Variants in SLC25A26 observed in about 807,000 individuals in gnomAD.
SLC25A26 encodes solute carrier family 25 member 26.
SLC25A26 carries 36 observed loss-of-function variants against 37.8 expected under a neutral mutation model. The ratio of observed to expected loss-of-function variants is 0.95; its 90% confidence interval spans 0.73 to 1.26. The LOEUF (loss-of-function observed/expected upper bound fraction) is 1.26, where lower values mean the gene tolerates loss of function less well. Among genes scored for constraint, SLC25A26 ranks in the 50% most tolerant of loss-of-function variants. The pLI is 0.00. For missense variants in SLC25A26, 390 were observed against 331.1 expected, an observed-to-expected ratio of 1.18 and a Z score of -1.38; for synonymous variants, 129 against 122.5, an observed-to-expected ratio of 1.05 and a Z score of -0.35.
intron 1 of SLC25A26, among the ~76,000 whole-genome samples, chr3:66,194,287 GA>G (rs2071001498): frequency 6.6e-6 from 1 of 152,146 alleles, no homozygotes; most frequent in South Asian, 2.1e-4. Context: ...TTCCTTGCTG[GA>G]AAGCTATTCC....
chr3:66,230,160 A>G (rs947699940), intron 1 of SLC25A26, among the ~76,000 whole-genome samples: 38 of 111,642 alleles, frequency 3.4e-4, no homozygotes, highest in Non-Finnish European at 5.1e-4. Flanking sequence ...TATATAAGAA[A>G]CACTCGGTTA....
chr3:66,240,262 T>C (rs2072509987), intron 2 of SLC25A26, among the ~76,000 whole-genome samples: 1 of 152,136 alleles, frequency 6.6e-6, no homozygotes. Context: ...GTGCTACAGT[T>C]AATTTTGTGC....
chr3:66,327,379 TTGTC>T (rs1463994909), intron 5 of SLC25A26, among the ~76,000 whole-genome samples: 1 of 152,204 alleles, frequency 6.6e-6, no homozygotes, highest in African/African-American at 2.4e-5. Flanking sequence ...ACAAGGCACT[TTGTC>T]TGTATTATTT....
In SLC25A26 at chr3:66,334,916, T is replaced by A. The variant is rs537589674; in HGVS notation, c.454-11448T>A. On this transcript the variant is annotated intron_variant, in intron 5 of 9. Coordinates refer to ENST00000354883, the MANE Select transcript of SLC25A26 (RefSeq NM_001379210.1). ...ATTTCTTGTTTCTCCTTTTATTAGC[T>A]GATACTTATTTTTCCTACCAACTTT... Among the ~76,000 whole-genome samples, 5 of 152,338 alleles carry A rather than the reference T, an allele frequency of 3.3e-5. No individual in the cohort carries two copies. The South Asian group carries it at 1.0e-3, about 32-fold the overall frequency.
At chr3:66,216,586 C>T (rs959803657), upstream of SLC25A26, among the ~76,000 whole-genome samples, 3 of 151,846 alleles carry the variant, frequency 2.0e-5, no homozygotes, top group Non-Finnish European at 4.4e-5. Flanking sequence ...TAAGCCTAGT[C>T]CTGGTTGAAG....
At chr3:66,138,031 A>G (rs1197289084) in intron 1 of SLC25A26, among the ~76,000 whole-genome samples, 1 of 151,762 alleles carries the variant, frequency 6.6e-6, no homozygotes, top group Non-Finnish European at 1.5e-5. Flanking sequence ...ACGGGGTTTC[A>G]CTATGTTGGC....
intron 5 of SLC25A26, among the ~76,000 whole-genome samples, chr3:66,287,186 C>A (rs544862867): frequency 6.6e-6 from 1 of 151,824 alleles, no homozygotes; most frequent in East Asian, 2.0e-4. Flanking sequence ...GTCCCAGCTA[C>A]TCAGGAGGCT....
At chr3:66,277,974 AAGG>A (rs1173400305) in intron 5 of SLC25A26, among the ~76,000 whole-genome samples, 1 of 152,142 alleles carries the variant, frequency 6.6e-6, no homozygotes, top group Non-Finnish European at 1.5e-5. Flanking sequence ...AGAGAAGACT[AAGG>A]AGACACAACA....
At chr3:66,179,087 TA>T (rs1349450257) in intron 1 of SLC25A26, among the ~76,000 whole-genome samples, 2 of 152,200 alleles carry the variant, frequency 1.3e-5, no homozygotes, top group Admixed American at 6.5e-5. Context: ...TTGTTAACAT[TA>T]GCTTGTTTTA....
rs1341823729 is a variant in SLC25A26 at position 66,200,950 on chromosome 3, G to C, written c.-353-19792G>C. Among the ~76,000 whole-genome samples, 3 of 152,024 alleles carry C rather than the reference G, an allele frequency of 2.0e-5. No homozygotes were observed. In the East Asian group the frequency reaches 5.8e-4, roughly 29 times the overall value. On this transcript the variant is annotated intron_variant, in intron 1 of 10. Coordinates refer to the SLC25A26 transcript ENST00000676754. ...CCCTATGTGCCAGACACAGCCCCAG[G>C]GTGCTGTGGCACAAAGGAGTTAGTC...
intron 5 of SLC25A26, among the ~76,000 whole-genome samples, chr3:66,303,985 C>CA (rs774066720): frequency 8.7e-4 from 132 of 152,234 alleles, no homozygotes; most frequent in Non-Finnish European, 1.7e-3. Flanking sequence ...ATGTGGCCCC[C>CA]TCCATAGGCC....
intron 5 of SLC25A26, among the ~76,000 whole-genome samples, chr3:66,317,797 C>A (rs2075580902): frequency 6.6e-6 from 1 of 152,226 alleles, no homozygotes; most frequent in Admixed American, 6.5e-5. Context: ...TGTCCATAAA[C>A]CCCTGGCTGG....
chr3:66,373,427 G>C (rs1700462119), intron 9 of SLC25A26, among the ~76,000 whole-genome samples: 2 of 152,214 alleles, frequency 1.3e-5, no homozygotes, highest in Admixed American at 1.3e-4. Context: ...GTCTTGCCAG[G>C]AGCAGCTGAG....
rs1553653585 is a variant in SLC25A26 at position 66,192,334 on chromosome 3, A to AG, written c.-353-28408_-353-28407insG. On this transcript the variant is annotated intron_variant, in intron 1 of 10. Transcript: ENST00000676754. ...CCATGTCACAAAAAAAAAAAAAAAA[A>AG]AGAGAGAGAAATTGCAGAATTTGCT... Among the ~76,000 whole-genome samples, 865 of 150,504 alleles carry AG rather than the reference A, an allele frequency of 5.7e-3. 6 individuals carry two copies. Among genetic ancestry groups the AG allele is most frequent in the Non-Finnish European group, 8.8e-3 (595 of 67,662 alleles).
chr3:66,225,603 C>G (rs1553660245), intron 1 of SLC25A26, among the ~76,000 whole-genome samples: 1 of 152,204 alleles, frequency 6.6e-6, no homozygotes, highest in African/African-American at 2.4e-5. Flanking sequence ...CATTTGACTC[C>G]TGGTTATTTA....
At chr3:66,230,442 T>C (rs969121150) in intron 1 of SLC25A26, among the ~76,000 whole-genome samples, 4 of 151,914 alleles carry the variant, frequency 2.6e-5, no homozygotes, top group African/African-American at 9.7e-5. Context: ...TGTGTGTGCA[T>C]GTATGTATGT....
intron 3 of SLC25A26, among the ~76,000 whole-genome samples, chr3:66,245,574 T>C (rs1329925038): frequency 6.8e-6 from 1 of 145,986 alleles, no homozygotes; most frequent in Admixed American, 6.7e-5. Flanking sequence ...TATGTTTACA[T>C]AGGAAACTTG....
chr3:66,304,214 A>G (rs573056721), intron 5 of SLC25A26, among the ~76,000 whole-genome samples: 1 of 152,350 alleles, frequency 6.6e-6, no homozygotes, highest in South Asian at 2.1e-4. Flanking sequence ...ACTTCGTCAC[A>G]GGACTTGTCT....
At chr3:66,192,052 C>T (rs1385333603) in intron 1 of SLC25A26, among the ~76,000 whole-genome samples, 1 of 152,050 alleles carries the variant, frequency 6.6e-6, no homozygotes, top group Admixed American at 6.5e-5. Context: ...TGCAATGGCT[C>T]ACGCCTGTAA....
Sources: gnomAD v4.1 joint callset for allele counts (sites outside exome capture counted in the v4.1 genomes callset) on GRCh38, gnomAD v4.1.1 for gene constraint, MANE v1.5 for transcripts, NCBI Gene and HGNC (gene_info 2026-07-23, HGNC 2026-07-21) for gene names.